FOXN3: variants seen among roughly 807,000 people sequenced by gnomAD.
The protein encoded by FOXN3 is forkhead box N3, also known as forkhead box protein N3.
A neutral mutation model predicts 38.4 loss-of-function variants in FOXN3; 7 were observed. The observed-to-expected ratio is 0.18, with a 90% CI of 0.10 to 0.34. The LOEUF (loss-of-function observed/expected upper bound fraction) is 0.34. FOXN3 is among the 10% of genes least tolerant of loss of function. FOXN3 has a pLI of 1.00. For missense variants in FOXN3, 456 were observed against 613.4 expected (o/e 0.74, Z 2.71); for synonymous variants, 230 against 242.2 (o/e 0.95, Z 0.47).
At chr14:89,600,566 A>G (rs965703818) in intron 1 of FOXN3, among the ~76,000 whole-genome samples, 9 of 152,362 alleles carry the variant, frequency 5.9e-5, no homozygotes, top group African/African-American at 2.2e-4. Flanking sequence ...AAATTAATTT[A>G]AAAGTCACAT....
At chr14:89,541,787 T>C (rs1596312190) in intron 1 of FOXN3, among the ~76,000 whole-genome samples, 1 of 152,120 alleles carries the variant, frequency 6.6e-6, no homozygotes, top group Admixed American at 6.5e-5. Flanking sequence ...GGGATTTTGC[T>C]CCCTGCTCTG....
At chr14:89,253,930 G>C (rs1353575600) in intron 4 of FOXN3, among the ~76,000 whole-genome samples, 1 of 152,128 alleles carries the variant, frequency 6.6e-6, no homozygotes, top group Non-Finnish European at 1.5e-5. Flanking sequence ...GGCTGTTGCT[G>C]GGATCTATGG....
intron 1 of FOXN3, among the ~76,000 whole-genome samples, chr14:89,534,447 G>A (rs1041215248): frequency 5.9e-5 from 9 of 151,938 alleles, no homozygotes; most frequent in Non-Finnish European, 1.2e-4. Context: ...CTCATTTTTC[G>A]AAGAAACATT....
At chr14:89,185,562 C>G (rs1887782747) in intron 4 of FOXN3, 2 of 152,268 alleles carry the variant, frequency 1.3e-5, no homozygotes, top group South Asian at 4.1e-4. Context: ...GCACTGGCCT[C>G]CAGCTATGTA....
At chr14:89,512,807 G>A (rs1471474217) in intron 1 of FOXN3, among the ~76,000 whole-genome samples, 1 of 152,170 alleles carries the variant, frequency 6.6e-6, no homozygotes, top group Non-Finnish European at 1.5e-5. Flanking sequence ...GGTGGTGTGG[G>A]GGCAGACTTT....
chr14:89,290,161 CT>C, intron 3 of FOXN3: 1 of 191,890 alleles, frequency 5.2e-6, no homozygotes. Flanking sequence ...TTTACTGCTA[CT>C]TTTTTATTTG....
chr14:89,160,732 A>T lies in FOXN3; in HGVS notation c.*1682T>A, dbSNP rs1887077658. The T allele has an allele frequency of 6.6e-6, 1 of 152,666 alleles. No homozygotes were observed. The allele number at this position is 152,666 out of a possible 1,614,324, so 9.5% of individuals were successfully genotyped here. On this transcript the variant is annotated 3_prime_UTR_variant, in exon 6 of 6. Coordinates refer to ENST00000557258, the MANE Select transcript of FOXN3 (RefSeq NM_005197.4). Reference sequence around the variant, plus strand: ...AGAGGGGGTCGGGGCTGAAGTGCACACAAGGCAGTACAGAGTTCAACCATC... The same window carrying T: ...AGAGGGGGTCGGGGCTGAAGTGCACTCAAGGCAGTACAGAGTTCAACCATC...
intron 2 of FOXN3, among the ~76,000 whole-genome samples, chr14:89,367,251 C>T (rs1351928468): frequency 1.3e-5 from 2 of 152,180 alleles, no homozygotes; most frequent in African/African-American, 4.8e-5. Context: ...AACACATCCA[C>T]TTTTAAGGAG....
chr14:89,533,634 C>T (rs1473812711), intron 1 of FOXN3, among the ~76,000 whole-genome samples: 2 of 136,578 alleles, frequency 1.5e-5, no homozygotes, highest in Non-Finnish European at 3.0e-5. Flanking sequence ...TGCACTCCAG[C>T]CTGGGTGACA....
chr14:89,467,613 C>G (rs1314934081), intron 1 of FOXN3, among the ~76,000 whole-genome samples: 2 of 149,006 alleles, frequency 1.3e-5, no homozygotes, highest in Admixed American at 6.7e-5. Context: ...ACATTTTGTT[C>G]CCTCTTGCTT....
chr14:89,280,804 T>A (rs1596150436), intron 4 of FOXN3, 146 bp downstream of exon 4: 1 of 628,544 alleles, frequency 1.6e-6, no homozygotes. Context: ...GGACAAATAG[T>A]CCCCACCCAC....
chr14:89,442,906 C>G (rs1325592301), intron 1 of FOXN3, among the ~76,000 whole-genome samples: 1 of 152,242 alleles, frequency 6.6e-6, no homozygotes, highest in African/African-American at 2.4e-5. Context: ...CAGAATACTA[C>G]AGTTGCAACA....
rs1418404069 is a variant in FOXN3 at position 89,484,709 on chromosome 14, G to C, written c.-14-72219C>G. On this transcript the variant is annotated intron_variant, in intron 1 of 6. Coordinates refer to the FOXN3 transcript ENST00000345097. The surrounding 1 kb of genome is among the most constrained non-coding windows in gnomAD (Gnocchi z 4.0). ...TAGTTCTTCCGCTTCCTGGTGGCTG[G>C]TGATCCCAGGCTATGATTCCAGAAG... is the stretch of plus-strand genomic sequence containing the variant. Among the ~76,000 whole-genome samples the C allele has an allele frequency of 1.3e-5, 2 of 152,150 alleles. No homozygotes were observed. The highest frequency in any genetic ancestry group is 2.9e-5 in the Non-Finnish European group (2 of 68,028).
At chr14:89,408,582 A>G (rs1891452655) in intron 2 of FOXN3, among the ~76,000 whole-genome samples, 1 of 149,170 alleles carries the variant, frequency 6.7e-6, no homozygotes, top group African/African-American at 2.5e-5. Context: ...GCCACAGGTG[A>G]TGTAATCTAG....
chr14:89,349,929 AT>A (rs914791616), intron 3 of FOXN3, among the ~76,000 whole-genome samples: 1 of 152,186 alleles, frequency 6.6e-6, no homozygotes, highest in Non-Finnish European at 1.5e-5. Flanking sequence ...ATTTTTAAAT[AT>A]TTTTTTGTAG....
chr14:89,279,757 G>A (rs570806939), intron 4 of FOXN3, among the ~76,000 whole-genome samples: 1 of 152,218 alleles, frequency 6.6e-6, no homozygotes, highest in African/African-American at 2.4e-5. Flanking sequence ...TCACCTGTAC[G>A]AAGCAAAAAT....
At chr14:89,485,803 C>G (rs372829008) in intron 1 of FOXN3, among the ~76,000 whole-genome samples, 4 of 152,220 alleles carry the variant, frequency 2.6e-5, no homozygotes. Context: ...ACCTTCTGAT[C>G]GAGGCAGTCA....
intron 4 of FOXN3, among the ~76,000 whole-genome samples, chr14:89,204,882 G>A (rs762541160): frequency 3.9e-5 from 6 of 151,990 alleles, no homozygotes; most frequent in African/African-American, 1.2e-4. Flanking sequence ...AAAAGATATC[G>A]TTATGCTGTT....
chr14:89,247,939 A>G (rs1198108768), intron 4 of FOXN3, among the ~76,000 whole-genome samples: 1 of 151,942 alleles, frequency 6.6e-6, no homozygotes, highest in African/African-American at 2.4e-5. Context: ...GTTTGTTCCT[A>G]CCATCTTTGC....
Sources: allele counts gnomAD v4.1 joint callset (sites outside exome capture counted in the v4.1 genomes callset), GRCh38; gene constraint gnomAD v4.1.1; non-coding constraint Gnocchi (gnomAD v3.1); transcripts MANE v1.5; gene names NCBI Gene and HGNC (gene_info 2026-07-23, HGNC 2026-07-21).